KMT2C: variants seen among roughly 807,000 people sequenced by gnomAD.
KMT2C encodes histone-lysine N-methyltransferase 2C.
KMT2C carries 88 observed loss-of-function variants against 507.9 expected under a neutral mutation model. That is an observed-to-expected ratio of 0.17 (90% CI 0.15 to 0.21). The LOEUF (loss-of-function observed/expected upper bound fraction) is 0.21. Among genes scored for constraint, KMT2C ranks in the 10% least tolerant of loss-of-function variants. KMT2C has a pLI of 1.00. For synonymous variants in KMT2C, 2,049 were observed against 2,080.8 expected (o/e 0.98, Z 0.42); for missense variants, 4,954 against 5,957.8 (o/e 0.83, Z 5.55).
chr7:152,398,449 T>C (rs984057529), intron 1 of KMT2C, among the ~76,000 whole-genome samples: 3 of 152,172 alleles, frequency 2.0e-5, no homozygotes, highest in Non-Finnish European at 4.4e-5. Flanking sequence ...TACATACACA[T>C]ACATAGAAAT....
chr7:152,321,548 GAACT>G (rs1429686467), intron 3 of KMT2C, among the ~76,000 whole-genome samples: 3 of 151,584 alleles, frequency 2.0e-5, no homozygotes, highest in African/African-American at 4.8e-5. Context: ...AAAACTGTTA[GAACT>G]AATAAACAAA....
intron 40 of KMT2C, 121 bp downstream of exon 40, chr7:152,171,143 C>G: frequency 1.9e-6 from 1 of 528,860 alleles, no homozygotes; most frequent in Non-Finnish European, 3.2e-6. Context: ...ATGGTGAAAT[C>G]CGCATTTACT....
Position 152,199,285 on chromosome 7 carries a change from T to C in KMT2C, c.4267A>G (p.Thr1423Ala), listed in dbSNP as rs2094060610. 1.3e-6 allele frequency: 2 copies of C among 1,594,148 alleles called. No homozygotes were observed. The highest frequency in any genetic ancestry group is 1.7e-6 in the Non-Finnish European group (2 of 1,172,998). Residue 1423 changes from threonine to alanine, a missense_variant, in exon 27 of 59, where the codon ACT (threonine) becomes GCT (alanine). Around this residue, in one of 29 missense-constraint regions of KMT2C, gnomAD observed 140 missense variants for 118.4 expected, o/e 1.18. Transcript: ENST00000262189. ...TGTGAATAATTCTACATACCGTGAG[T>C]TCCAGATTTTGTTGGAGCCGAGGAT... is the stretch of plus-strand genomic sequence containing the variant. ...SSSSAPTKSGTHGPADDPLAD... is the reference protein window; with the variant it reads ...SSSSAPTKSGAHGPADDPLAD...
chr7:152,266,469 T>C (rs1193464426), intron 7 of KMT2C, among the ~76,000 whole-genome samples: 6 of 152,080 alleles, frequency 3.9e-5, no homozygotes, highest in Admixed American at 3.9e-4. Context: ...GGTCTCAAAC[T>C]CCTGAGCTCA....
At chr7:152,259,811 C>T (rs2095738144) in intron 9 of KMT2C, among the ~76,000 whole-genome samples, 6 of 152,204 alleles carry the variant, frequency 3.9e-5, no homozygotes, top group Non-Finnish European at 5.9e-5. Context: ...CCAACATCTC[C>T]AGCCTTCACT....
intron 2 of KMT2C, among the ~76,000 whole-genome samples, chr7:152,348,747 AAAC>A (rs1249833811): frequency 6.6e-6 from 1 of 152,200 alleles, no homozygotes; most frequent in Non-Finnish European, 1.5e-5. Flanking sequence ...ATGAAAATTA[AAAC>A]AACAGGGCAT....
At chr7:152,309,815 C>G in intron 6 of KMT2C, 151 bp downstream of exon 6, 1 of 560,420 alleles carries the variant, frequency 1.8e-6, no homozygotes. Context: ...GCCACCATAC[C>G]TGGCCTAGAA....
intron 2 of KMT2C, among the ~76,000 whole-genome samples, chr7:152,331,637 A>AC (rs34902474): frequency 2.7e-5 from 4 of 147,900 alleles, no homozygotes; most frequent in South Asian, 4.2e-4. Context: ...AACAACAACA[A>AC]AAAGATTTTT....
intron 43 of KMT2C, among the ~76,000 whole-genome samples, chr7:152,159,297 G>C (rs771593086): frequency 6.6e-6 from 1 of 152,194 alleles, no homozygotes; most frequent in South Asian, 2.1e-4. Context: ...CTTGAGGAAA[G>C]AGCAGAACTC....
intron 1 of KMT2C, among the ~76,000 whole-genome samples, chr7:152,379,254 T>A (rs2097351738): frequency 6.6e-6 from 1 of 152,138 alleles, no homozygotes; most frequent in Non-Finnish European, 1.5e-5. Flanking sequence ...AAATACGTAG[T>A]TAAGGCCAGG....
At chr7:152,167,443 A>C in intron 41 of KMT2C, 65 bp from the exon 42 acceptor site, 2 of 1,114,142 alleles carry the variant, frequency 1.8e-6, no homozygotes, top group Non-Finnish European at 1.3e-6. Flanking sequence ...AAGTTACACA[A>C]ATCTATTTTG....
At chr7:152,163,874 C>A (rs777781077) in intron 42 of KMT2C, 48 bp from the exon 43 acceptor site, 24 of 1,559,226 alleles carry the variant, frequency 1.5e-5, no homozygotes, top group Non-Finnish European at 1.9e-5. Context: ...AGCATAGGTA[C>A]TGAAGTAAAA....
At position 152,155,939 on chromosome 7, in the gene KMT2C, T is replaced by C. The variant is rs781353963; in HGVS notation, c.11931A>G (p.Thr3977=). ...KTVDVPASLP[T]PPHNNQEELR... is the part of the protein sequence containing the mutation. The stretch of plus-strand genomic sequence containing the variant: ...ATTCTTCCTGATTGTTATGAGGTGG[T>C]GTTGGGAGGGAGGCTGGCACATCAA... The change falls in exon 46 of 59, where the codon ACA becomes ACG. Residue 3977 remains threonine (T), a synonymous_variant. Transcript: ENST00000262189. The C allele has an allele frequency of 6.2e-7, 1 of 1,608,024 alleles. No individual in the cohort carries two copies. The highest frequency in any genetic ancestry group is 8.5e-7 in the Non-Finnish European group (1 of 1,178,738).
intron 2 of KMT2C, among the ~76,000 whole-genome samples, chr7:152,350,666 C>T (rs377652233): frequency 6.6e-6 from 1 of 152,178 alleles, no homozygotes; most frequent in South Asian, 2.1e-4. Context: ...CTAGAAGTTG[C>T]TCTGGGTGAA....
At chr7:152,207,515 T>C in intron 23 of KMT2C, 87 bp from the exon 24 acceptor site, 1 of 1,209,746 alleles carries the variant, frequency 8.3e-7, no homozygotes, top group Non-Finnish European at 1.2e-6. Context: ...AGTAGGGTTG[T>C]TGCTGAGCCA....
intron 20 of KMT2C, among the ~76,000 whole-genome samples, chr7:152,223,074 A>G (rs959165770): frequency 1.6e-4 from 25 of 152,138 alleles, no homozygotes; most frequent in African/African-American, 6.0e-4. Context: ...GACATATCTC[A>G]CGGAAAGCGA....
chr7:152,153,036 T>A (rs2129097922), intron 48 of KMT2C, 82 bp from the exon 49 acceptor site: 1 of 1,510,434 alleles, frequency 6.6e-7, no homozygotes, highest in Middle Eastern at 1.7e-4. Context: ...TTAGGATAAA[T>A]CCTCTTTGCA....
chr7:152,156,838 G>C (rs2092083642), intron 44 of KMT2C, among the ~76,000 whole-genome samples: 3 of 151,824 alleles, frequency 2.0e-5, no homozygotes, highest in Non-Finnish European at 4.4e-5. Context: ...ACCTTTAAAA[G>C]AAGCAACAGT....
At chr7:152,190,235 T>G (rs2093751115) in intron 31 of KMT2C, among the ~76,000 whole-genome samples, 1 of 152,176 alleles carries the variant, frequency 6.6e-6, no homozygotes, top group South Asian at 2.1e-4. Context: ...ATAAACAATA[T>G]CAAATGTCTT....
Sources: allele counts gnomAD v4.1 joint callset (sites outside exome capture counted in the v4.1 genomes callset), GRCh38; gene constraint gnomAD v4.1.1; regional missense constraint gnomAD v4.1.1; transcripts MANE v1.5; gene names NCBI Gene and HGNC (gene_info 2026-07-23, HGNC 2026-07-21).